GPRIN3: variants seen among roughly 807,000 people sequenced by gnomAD.
GPRIN3 encodes the protein G protein-regulated inducer of neurite outgrowth 3.
In GPRIN3, 12 loss-of-function variants were observed where a neutral mutation model predicts 13.7. The ratio of observed to expected loss-of-function variants is 0.87; its 90% CI spans 0.56 to 1.42. The LOEUF is 1.42. Among genes scored for constraint, GPRIN3 ranks in the 40% most tolerant of loss-of-function variants. The pLI is 0.00. For synonymous variants in GPRIN3, 377 were observed against 372.7 expected, an observed-to-expected ratio of 1.01 and a Z score of -0.13; for missense variants, 1,009 against 958.7, an observed-to-expected ratio of 1.05 and a Z score of -0.69.
In GPRIN3 at chr4:89,244,186, A is replaced by G. The variant is rs1327904784; in HGVS notation, c.*3594T>C. The G allele has an allele frequency of 6.6e-6, 1 of 152,096 alleles. No individual in the cohort carries two copies. The highest frequency in any genetic ancestry group is 1.5e-5 in the Non-Finnish European group (1 of 67,992). The allele number at this position is 152,096 out of a possible 1,614,324, so 9.4% of individuals were successfully genotyped here. On this transcript the variant is annotated 3_prime_UTR_variant, in exon 2 of 2. Coordinates refer to ENST00000609438, the MANE Select transcript of GPRIN3 (RefSeq NM_198281.3). ...ATATGCTAGAATACAAACAAATGCTATTTTCCTCTTCTGCTTTCTACTTTA... is the reference window on the plus strand; with the variant it reads ...ATATGCTAGAATACAAACAAATGCTGTTTTCCTCTTCTGCTTTCTACTTTA...
rs1722871153 is a variant in GPRIN3 at position 89,239,647 on chromosome 4, T to C, written c.*8133A>G. On this transcript the variant is annotated 3_prime_UTR_variant, in exon 2 of 2. Coordinates refer to ENST00000609438, the MANE Select transcript of GPRIN3 (RefSeq NM_198281.3). ...AATGGAATTCTCTATCAAGGGGTGA[T>C]TCTGGTATTTCCATTTATATTTTCT... The C allele has an allele frequency of 6.6e-6, 1 of 152,220 alleles. No individual in the cohort carries two copies. Among genetic ancestry groups the C allele is most frequent in the Non-Finnish European group, 1.5e-5 (1 of 68,022 alleles). 9.4% of individuals were successfully genotyped at this position (152,220 alleles called of 1,614,324 possible).
chr4:89,243,112 A>AATCCATCTTC lies in GPRIN3; in HGVS notation c.*4658_*4667dup, dbSNP rs1248432352. The AATCCATCTTC allele has an allele frequency of 1.3e-5, 2 of 152,198 alleles. No individual in the cohort carries two copies. The highest frequency in any genetic ancestry group is 4.8e-5 in the African/African-American group (2 of 41,446). The allele number at this position is 152,198 out of a possible 1,614,324, so 9.4% of individuals were successfully genotyped here. ...TTGGGAGACAGAATTTTTCCACTTC[A>AATCCATCTTC]ATCCATCTTCATTTATGTCCTTGGT... On this transcript the variant is annotated 3_prime_UTR_variant, in exon 2 of 2. Transcript: ENST00000609438.
chr4:89,276,742 T>C (rs931954397), intron 1 of GPRIN3, among the ~76,000 whole-genome samples: 1 of 152,240 alleles, frequency 6.6e-6, no homozygotes, highest in African/African-American at 2.4e-5. Context: ...TACCCCATGA[T>C]GGTAGTTCAA....
In GPRIN3 at chr4:89,259,522, T is replaced by A. The variant is rs191635914; in HGVS notation, c.-123-9289A>T. On this transcript the variant is annotated intron_variant, in intron 1 of 1. Coordinates refer to ENST00000609438, the MANE Select transcript of GPRIN3 (RefSeq NM_198281.3). Reference sequence around the variant, plus strand: ...GCCTCCATTTGCATGTTTTTGCATTTGCATTTTAAAATCCTGTGTTAGATA... The same window carrying A: ...GCCTCCATTTGCATGTTTTTGCATTAGCATTTTAAAATCCTGTGTTAGATA... Among the ~76,000 whole-genome samples the A allele has an allele frequency of 1.9e-3, 289 of 152,362 alleles. 1 individual carries two copies. The highest frequency in any genetic ancestry group is 6.3e-3 in the African/African-American group (264 of 41,586).
At position 89,248,878 on chromosome 4, in the gene GPRIN3, C is replaced by T. The variant is rs377675746; in HGVS notation, c.1233G>A (p.Ala411=). 8.7e-6 allele frequency: 14 copies of T among 1,614,138 alleles called. No homozygotes were observed. Among genetic ancestry groups the T allele is most frequent in the East Asian group, 4.5e-5 (2 of 44,876 alleles). ...STAFQRENKL[A]SLPGGVLKTS... The stretch of plus-strand genomic sequence containing the variant: ...TTTTAAGGACCCCACCTGGTAGGCT[C>T]GCAAGTTTATTTTCCCGTTGGAAAG... The change falls in exon 2 of 2, where the codon GCG becomes GCA. Residue 411 remains alanine (A), a synonymous_variant. Transcript: ENST00000609438.
chr4:89,244,943 C>A lies in GPRIN3; in HGVS notation c.*2837G>T, dbSNP rs891739602. 2 of 152,158 alleles carry A rather than the reference C, an allele frequency of 1.3e-5. No homozygotes were observed. Among genetic ancestry groups the A allele is most frequent in the African/African-American group, 4.8e-5 (2 of 41,432 alleles). 9.4% of individuals were successfully genotyped at this position (152,158 alleles called of 1,614,324 possible). On this transcript the variant is annotated 3_prime_UTR_variant, in exon 2 of 2. Transcript: ENST00000609438. ...AAACAACTTTCAACCCAATGTGTGT[C>A]ATGCAGGTAAAGTAAGGAAAAAACT...
intron 1 of GPRIN3, 82 bp from the exon 2 acceptor site, chr4:89,250,315 AG>A: frequency 9.6e-7 from 1 of 1,042,948 alleles, no homozygotes; most frequent in Non-Finnish European, 1.3e-6. Flanking sequence ...TTTTTATAAG[AG>A]CACATTAAAA....
chr4:89,306,157 C>G (rs927137016), intron 1 of GPRIN3, among the ~76,000 whole-genome samples: 2 of 152,094 alleles, frequency 1.3e-5, no homozygotes, highest in Non-Finnish European at 2.9e-5. Context: ...AAAGAACATT[C>G]TCTAACGCAA....
intron 1 of GPRIN3, among the ~76,000 whole-genome samples, chr4:89,286,336 A>C (rs1185429499): frequency 6.6e-6 from 1 of 152,112 alleles, no homozygotes; most frequent in East Asian, 1.9e-4. Flanking sequence ...GTTCATTACA[A>C]CTATGGTATA....
intron 1 of GPRIN3, among the ~76,000 whole-genome samples, chr4:89,296,088 G>C (rs1001534020): frequency 6.6e-6 from 1 of 151,994 alleles, no homozygotes; most frequent in Non-Finnish European, 1.5e-5. Context: ...TCCTCTCACA[G>C]GTCACTGCTG....
chr4:89,247,987 C>T lies in GPRIN3; in HGVS notation c.2124G>A (p.Ala708=), dbSNP rs1167986544. The change falls in exon 2 of 2, where the codon GCG becomes GCA. Residue 708 remains alanine, a synonymous_variant. Transcript: ENST00000609438. The part of the protein sequence containing the change: ...ASLDAESLGI[A]IQNHLQRQIR... ...TTTGTCTTTGCAAATGGTTCTGGATCGCGATTCCCAGGGACTCTGCGTCCA... is the reference window on the plus strand; with the variant it reads ...TTTGTCTTTGCAAATGGTTCTGGATTGCGATTCCCAGGGACTCTGCGTCCA... 3 of 1,613,988 alleles carry T rather than the reference C, an allele frequency of 1.9e-6. No homozygotes were observed. The highest frequency in any genetic ancestry group is 2.2e-5 in the East Asian group (1 of 44,874).
intron 1 of GPRIN3, among the ~76,000 whole-genome samples, chr4:89,290,118 G>A (rs991988501): frequency 7.3e-5 from 11 of 151,364 alleles, no homozygotes; most frequent in African/African-American, 1.5e-4. Context: ...CTACAGGTGC[G>A]TGTCACCATG....
chr4:89,249,114 C>T lies in GPRIN3; in HGVS notation c.997G>A (p.Val333Ile), dbSNP rs777163293. 4.2e-5 allele frequency: 67 copies of T among 1,614,054 alleles called. No individual in the cohort carries two copies. The South Asian group carries it at 6.0e-4, about 15-fold the overall frequency. Residue 333 changes from valine (V) to isoleucine (I), a missense_variant, in exon 2 of 2, where the codon GTC (valine) becomes ATC (isoleucine). Coordinates refer to ENST00000609438, the MANE Select transcript of GPRIN3 (RefSeq NM_198281.3). ...GTGAGGATACTGGGGCTGGTGGAGA[C>T]GGATCTGCTCTCGACACTCGCCACT... ...QAVASVESRSVSTSPSILTAF... is the reference protein window; with the variant it reads ...QAVASVESRSISTSPSILTAF...
At chr4:89,304,111 T>G (rs1226352999) in intron 1 of GPRIN3, among the ~76,000 whole-genome samples, 1 of 152,190 alleles carries the variant, frequency 6.6e-6, no homozygotes, top group East Asian at 1.9e-4. Flanking sequence ...CCCCTCCTCC[T>G]TGAAGCCTTT....
At position 89,245,046 on chromosome 4, in the gene GPRIN3, G is replaced by A. The variant is rs192107443; in HGVS notation, c.*2734C>T. 2 of 152,190 alleles carry A rather than the reference G, an allele frequency of 1.3e-5. No individual in the cohort carries two copies. The highest frequency in any genetic ancestry group is 3.9e-4 in the East Asian group (2 of 5,176). 9.4% of individuals were successfully genotyped at this position (152,190 alleles called of 1,614,324 possible). A position where few individuals can be genotyped will look rare whatever the true frequency, so the allele number is the denominator to read the frequency against. On this transcript the variant is annotated 3_prime_UTR_variant, in exon 2 of 2. Coordinates refer to ENST00000609438, the MANE Select transcript of GPRIN3 (RefSeq NM_198281.3). ...AATGAACCTTAGGTTTCACAAATAA[G>A]GTATACTAAATGCCTAATGCTATGT... is the stretch of plus-strand genomic sequence containing the variant.
At chr4:89,282,432 G>T (rs1359194687) in intron 1 of GPRIN3, among the ~76,000 whole-genome samples, 3 of 152,104 alleles carry the variant, frequency 2.0e-5, no homozygotes, top group Admixed American at 6.5e-5. Flanking sequence ...TCAGTGGTGT[G>T]CATCTATTAT....
intron 1 of GPRIN3, among the ~76,000 whole-genome samples, chr4:89,261,316 A>T (rs1723615443): frequency 6.6e-6 from 1 of 152,176 alleles, no homozygotes; most frequent in African/African-American, 2.4e-5. Flanking sequence ...CTGTGACAAT[A>T]AAAAATGTCT....
intron 1 of GPRIN3, among the ~76,000 whole-genome samples, chr4:89,276,114 A>C (rs1724085967): frequency 6.6e-6 from 1 of 152,174 alleles, no homozygotes; most frequent in Non-Finnish European, 1.5e-5. Flanking sequence ...CCCTTGCCAC[A>C]CAGCAAATAA....
chr4:89,275,740 C>T (rs1462507784), intron 1 of GPRIN3, among the ~76,000 whole-genome samples: 4 of 152,196 alleles, frequency 2.6e-5, no homozygotes, highest in Non-Finnish European at 5.9e-5. Flanking sequence ...TTTTTCCCTC[C>T]TTTAATGAAG....
Sources: allele counts gnomAD v4.1 joint callset (sites outside exome capture counted in the v4.1 genomes callset), GRCh38; gene constraint gnomAD v4.1.1; transcripts MANE v1.5; gene names NCBI Gene and HGNC (gene_info 2026-07-23, HGNC 2026-07-21).